ATP2C2: variants seen among roughly 807,000 people sequenced by gnomAD.
ATP2C2 encodes calcium-transporting ATPase type 2C member 2.
ATP2C2 carries 171 observed loss-of-function variants against 110.8 expected under a neutral mutation model. That is an observed-to-expected ratio of 1.54 (90% CI 1.36 to 1.75). The LOEUF (loss-of-function observed/expected upper bound fraction) is 1.75. Among genes scored for constraint, ATP2C2 ranks in the 40% most tolerant of loss-of-function variants. The probability of loss-of-function intolerance (pLI) is 0.00; values close to 1 mark genes in which losing one functional copy is unlikely to be tolerated. For missense variants in ATP2C2, 1,963 were observed against 1,235.0 expected (o/e 1.59, Z -8.84); for synonymous variants, 804 against 508.4 (o/e 1.58, Z -7.82).
chr16:84,461,399 G>T, intron 24 of ATP2C2: 1 of 491,356 alleles, frequency 2.0e-6, no homozygotes, highest in Non-Finnish European at 3.7e-6. Context: ...TGTAGGAAAT[G>T]ACCTTCACTC....
chr16:84,406,956 A>G (rs1274588649), intron 3 of ATP2C2, among the ~76,000 whole-genome samples: 1 of 152,026 alleles, frequency 6.6e-6, no homozygotes, highest in East Asian at 1.9e-4. Flanking sequence ...GTTCCCCAAA[A>G]TGAAATCTCT....
chr16:84,404,887 G>A (rs1905612711), intron 2 of ATP2C2: 1 of 541,124 alleles, frequency 1.8e-6, no homozygotes, highest in Non-Finnish European at 3.5e-6. Flanking sequence ...TCCATTTGTT[G>A]AAATTTAAGA....
In ATP2C2 at chr16:84,422,765, A is replaced by G; in HGVS notation, c.843+68A>G. 3.4e-6 allele frequency: 5 copies of G among 1,473,958 alleles called. No individual in the cohort carries two copies. The South Asian group carries it at 3.8e-5, about 11-fold the overall frequency. 91.3% of individuals were successfully genotyped at this position (1,473,958 alleles called of 1,614,324 possible). A position where few individuals can be genotyped will look rare whatever the true frequency, so the allele number is the denominator to read the frequency against. On this transcript the variant is annotated intron_variant, in intron 9 of 26. Transcript: ENST00000262429. ...TTTGAGATTATTATAGGCAAATAAT[A>G]CCAGCCTTGCCTACTCCTTAGGAAT...
In ATP2C2 at chr16:84,405,200, G is replaced by A; in HGVS notation, c.283G>A (p.Val95Ile). The A allele has an allele frequency of 6.2e-7, 1 of 1,614,162 alleles. No individual in the cohort carries two copies. The highest frequency in any genetic ancestry group is 8.5e-7 in the Non-Finnish European group (1 of 1,180,036). ...RRLAHGWNEF[V>I]ADNSEPVWKK... The stretch of plus-strand genomic sequence containing the variant: ...GCTGGCCCATGGCTGGAATGAGTTT[G>A]TTGCTGACAACAGCGAACCTGTGTG... Residue 95 changes from valine (V) to isoleucine (I), a missense_variant, in exon 3 of 27, where the codon GTT becomes ATT. Transcript: ENST00000262429.
In ATP2C2 at chr16:84,425,996, A is replaced by C. The variant is rs1045917502; in HGVS notation, c.986+195A>C. The C allele has an allele frequency of 1.3e-5, 8 of 607,808 alleles. No homozygotes were observed. In the African/African-American group the frequency reaches 1.5e-4, roughly 11 times the overall value. The allele number at this position is 607,808 out of a possible 1,614,324, so 37.7% of individuals were successfully genotyped here. ...GTGCCCGGCGAATGCTTGCAAAATG[A>C]ATGACAGCAAATGATCCAGGGTGTC... On this transcript the variant is annotated intron_variant, in intron 11 of 26. Coordinates refer to ENST00000262429, the MANE Select transcript of ATP2C2 (RefSeq NM_014861.4).
chr16:84,437,383 T>A (rs975856630), intron 11 of ATP2C2, among the ~76,000 whole-genome samples: 2 of 151,550 alleles, frequency 1.3e-5, no homozygotes, highest in Non-Finnish European at 2.9e-5. Flanking sequence ...TATGTATATA[T>A]AATTTTTTTT....
In ATP2C2 at chr16:84,377,018, C is replaced by T. The variant is rs932943178; in HGVS notation, c.99+8304C>T. On this transcript the variant is annotated intron_variant, in intron 1 of 26. Transcript: ENST00000262429. ...TGGACGCTTCAGAGGCTAATAATCCCAGTACCTCTGGTCTCTAAGGCATCT... is the reference window on the plus strand; with the variant it reads ...TGGACGCTTCAGAGGCTAATAATCCTAGTACCTCTGGTCTCTAAGGCATCT... Among the ~76,000 whole-genome samples the T allele has an allele frequency of 6.6e-5, 10 of 152,210 alleles. No homozygotes were observed. The South Asian group carries it at 1.2e-3, about 19-fold the overall frequency.
chr16:84,443,927 G>A (rs73245997), intron 15 of ATP2C2, among the ~76,000 whole-genome samples: 8 of 152,036 alleles, frequency 5.3e-5, no homozygotes, highest in Non-Finnish European at 8.8e-5. Flanking sequence ...AGCACTTTAA[G>A]AGGCTAAGGC....
chr16:84,441,050 T>C, intron 14 of ATP2C2, 92 bp downstream of exon 14: 1 of 1,130,598 alleles, frequency 8.8e-7, no homozygotes, highest in Non-Finnish European at 1.3e-6. Flanking sequence ...TTGAACCTAC[T>C]GGTTCTTGAC....
At chr16:84,414,213 A>G (rs558592707) in intron 6 of ATP2C2, among the ~76,000 whole-genome samples, 7 of 152,298 alleles carry the variant, frequency 4.6e-5, no homozygotes, top group African/African-American at 1.7e-4. Flanking sequence ...TCTTGGCTAC[A>G]AGGAACAGAA....
At chr16:84,389,182 G>T (rs1379582605) in intron 1 of ATP2C2, among the ~76,000 whole-genome samples, 3 of 152,208 alleles carry the variant, frequency 2.0e-5, no homozygotes, top group Non-Finnish European at 4.4e-5. Context: ...AGGCATTTGG[G>T]ATTCCCACAT....
rs746940375 is a variant in ATP2C2, at chr16:84,460,577, C to T, written c.2334-77C>T. ...CCCTGTGCCAACTTGGCCTGGGAGG[C>T]TCAGGCACAGCTGTTTCAAGGGTCC... On this transcript the variant is annotated intron_variant, in intron 23 of 26. Transcript: ENST00000262429. 3.7e-6 allele frequency: 6 copies of T among 1,603,518 alleles called. No individual in the cohort carries two copies. The Admixed American group carries it at 5.0e-5, about 13-fold the overall frequency.
intron 11 of ATP2C2, among the ~76,000 whole-genome samples, chr16:84,429,309 A>C (rs912260705): frequency 3.3e-5 from 5 of 151,758 alleles, no homozygotes; most frequent in Non-Finnish European, 7.4e-5. Context: ...GCACCACCAC[A>C]CCCAGCTAAT....
intron 6 of ATP2C2, among the ~76,000 whole-genome samples, chr16:84,412,770 G>C (rs927147386): frequency 6.6e-6 from 1 of 151,792 alleles, no homozygotes; most frequent in African/African-American, 2.4e-5. Context: ...TGTCTTTCCC[G>C]AACATACCTG....
intron 11 of ATP2C2, among the ~76,000 whole-genome samples, chr16:84,426,801 A>G (rs535090984): frequency 3.3e-5 from 5 of 152,338 alleles, no homozygotes; most frequent in Admixed American, 3.3e-4. Context: ...ACACGCGGAC[A>G]GCAGGGCTGG....
Position 84,459,353 on chromosome 16 carries a change from TCAA to T in ATP2C2, c.2303_2305del (p.Asn768del). 3.1e-6 allele frequency: 5 copies of T among 1,614,134 alleles called. No individual in the cohort carries two copies. Among genetic ancestry groups the T allele is most frequent in the Non-Finnish European group, 4.2e-6 (5 of 1,180,016 alleles). Reference sequence around the variant, plus strand: ...CTCAACGCCATGCAGATCCTATGGATCAACATCATCATGGATGGGCCACCGGCG... The same window carrying T: ...CTCAACGCCATGCAGATCCTATGGATCATCATCATGGATGGGCCACCGGCG... On this transcript the variant is annotated inframe_deletion, in exon 23 of 27. Coordinates refer to ENST00000262429, the MANE Select transcript of ATP2C2 (RefSeq NM_014861.4).
chr16:84,368,861 G>C, intron 1 of ATP2C2, 147 bp downstream of exon 1: 1 of 700,466 alleles, frequency 1.4e-6, no homozygotes. Context: ...TGTCCTCACA[G>C]CAACCGCGCT....
chr16:84,386,343 C>T (rs1904322998), intron 1 of ATP2C2, among the ~76,000 whole-genome samples: 1 of 152,124 alleles, frequency 6.6e-6, no homozygotes, highest in Non-Finnish European at 1.5e-5. Context: ...CCAATAAATA[C>T]CACAGGGTTT....
intron 15 of ATP2C2, 54 bp downstream of exon 15, chr16:84,442,653 C>G: frequency 1.3e-6 from 2 of 1,543,262 alleles, no homozygotes; most frequent in Non-Finnish European, 9.0e-7. Flanking sequence ...GGGCTGGATT[C>G]ATTGGTAGAA....
Sources: gnomAD v4.1 joint callset for allele counts (sites outside exome capture counted in the v4.1 genomes callset) on GRCh38, gnomAD v4.1.1 for gene constraint, MANE v1.5 for transcripts, NCBI Gene and HGNC (gene_info 2026-07-23, HGNC 2026-07-21) for gene names.